Variants in PTPRG observed in about 807,000 individuals in gnomAD.
PTPRG encodes protein tyrosine phosphatase receptor type G.
In PTPRG, 102 loss-of-function variants were observed where a neutral mutation model predicts 165.3. The ratio of observed to expected loss-of-function variants is 0.62; its 90% CI spans 0.53 to 0.73. The LOEUF (loss-of-function observed/expected upper bound fraction) is 0.73, where lower values mean the gene tolerates loss of function less well. Among genes scored for constraint, PTPRG ranks in the 30% least tolerant of loss-of-function variants. The pLI, the probability that PTPRG is intolerant of heterozygous loss-of-function variation, is 0.00. For missense variants in PTPRG, 1,866 were observed against 1,861.4 expected (o/e 1.00, Z -0.05); for synonymous variants, 675 against 669.5 (o/e 1.01, Z -0.13).
At chr3:62,251,502 G>T (rs888935131) in intron 15 of PTPRG, among the ~76,000 whole-genome samples, 1 of 152,132 alleles carries the variant, frequency 6.6e-6, no homozygotes, top group Non-Finnish European at 1.5e-5. Context: ...GCCAGGCATG[G>T]TGGCACGGAA....
chr3:62,240,364 T>C lies in PTPRG; in HGVS notation c.2376-3443T>C, dbSNP rs1312132476. ...TAAAATAAAATACATACTCCCCCAA[T>C]ACCCAGAAAAAAAAATGGAAAACAG... On this transcript the variant is annotated intron_variant, in intron 14 of 29. Transcript: ENST00000474889. The surrounding 1 kb of genome is among the most constrained non-coding windows in gnomAD (Gnocchi z 5.1). Among the ~76,000 whole-genome samples, 1 of 151,702 alleles carries C rather than the reference T, an allele frequency of 6.6e-6. No homozygotes were observed. The highest frequency in any genetic ancestry group is 6.6e-5 in the Admixed American group (1 of 15,246).
chr3:61,938,046 A>G (rs1279530366), intron 2 of PTPRG, among the ~76,000 whole-genome samples: 1 of 151,946 alleles, frequency 6.6e-6, no homozygotes, highest in East Asian at 1.9e-4. Flanking sequence ...GTCTGGGCTT[A>G]AGGTTTCCCA....
At chr3:61,574,117 G>C (rs1346352069) in intron 1 of PTPRG, among the ~76,000 whole-genome samples, 1 of 152,038 alleles carries the variant, frequency 6.6e-6, no homozygotes, top group Non-Finnish European at 1.5e-5. Flanking sequence ...TTGGCTCTTA[G>C]GTGATTCAGG....
At chr3:62,146,135 A>C (rs4456853) in intron 6 of PTPRG, among the ~76,000 whole-genome samples, 11,674 of 152,298 alleles carry the variant, frequency 0.077, 623 homozygotes, top group Non-Finnish European at 0.11. Context: ...GACTCTATAT[A>C]ATTTAAATGT....
At chr3:61,610,761 C>CCCTA (rs1231014238) in intron 1 of PTPRG, among the ~76,000 whole-genome samples, 2 of 118,162 alleles carry the variant, frequency 1.7e-5, no homozygotes, top group East Asian at 2.9e-4. Context: ...CTCCCTCCCT[C>CCCTA]CCTCCCTCCC....
chr3:62,183,044 A>G (rs1488839980), intron 8 of PTPRG, among the ~76,000 whole-genome samples: 1 of 152,232 alleles, frequency 6.6e-6, no homozygotes, highest in African/African-American at 2.4e-5. Context: ...CTTTTACCCA[A>G]GCTTTATCCA....
chr3:61,847,575 A>G (rs1178155128), intron 2 of PTPRG, among the ~76,000 whole-genome samples: 1 of 152,226 alleles, frequency 6.6e-6, no homozygotes, highest in African/African-American at 2.4e-5. Flanking sequence ...GACAGCGAGG[A>G]CACTGAACAT....
chr3:62,158,125 G>A (rs1387973587), intron 7 of PTPRG, among the ~76,000 whole-genome samples: 1 of 152,128 alleles, frequency 6.6e-6, no homozygotes, highest in Non-Finnish European at 1.5e-5. Context: ...GTTAACTGTG[G>A]GTAGGAACTG....
intron 1 of PTPRG, among the ~76,000 whole-genome samples, chr3:61,582,087 C>T (rs1700309249): frequency 6.6e-6 from 1 of 152,086 alleles, no homozygotes. Context: ...CCCATCTCAG[C>T]CTCCCGCATA....
At chr3:61,622,147 A>C (rs1701476937) in intron 1 of PTPRG, among the ~76,000 whole-genome samples, 1 of 152,182 alleles carries the variant, frequency 6.6e-6, no homozygotes, top group African/African-American at 2.4e-5. Context: ...GAGGAAACCA[A>C]GTCTTCACTT....
intron 2 of PTPRG, among the ~76,000 whole-genome samples, chr3:61,829,100 G>A (rs1273160131): frequency 1.3e-5 from 2 of 152,158 alleles, no homozygotes; most frequent in African/African-American, 2.4e-5. Flanking sequence ...GAGTGAGAGA[G>A]AAGGAACTTA....
At chr3:62,148,509 T>A (rs554387899) in intron 6 of PTPRG, among the ~76,000 whole-genome samples, 4 of 152,268 alleles carry the variant, frequency 2.6e-5, no homozygotes, top group African/African-American at 9.6e-5. Context: ...ACTATAATCC[T>A]AGCACTTTGG....
At chr3:62,097,810 A>G (rs1482786192) in intron 5 of PTPRG, among the ~76,000 whole-genome samples, 2 of 152,232 alleles carry the variant, frequency 1.3e-5, no homozygotes, top group East Asian at 3.8e-4. Flanking sequence ...TGGGGCAACA[A>G]GCATGGCCAA....
intron 2 of PTPRG, among the ~76,000 whole-genome samples, chr3:61,829,231 G>C (rs1424068867): frequency 6.6e-6 from 1 of 152,234 alleles, no homozygotes; most frequent in Non-Finnish European, 1.5e-5. Context: ...ATAATATTGA[G>C]AGAGCCTCGC....
chr3:61,950,004 C>A (rs2039861981), intron 2 of PTPRG, among the ~76,000 whole-genome samples: 1 of 152,206 alleles, frequency 6.6e-6, no homozygotes, highest in Admixed American at 6.5e-5. Context: ...CCTCGCCCTC[C>A]CAATGTGCTG....
intron 15 of PTPRG, among the ~76,000 whole-genome samples, chr3:62,247,805 G>C (rs139658417): frequency 6.6e-6 from 1 of 152,284 alleles, no homozygotes; most frequent in East Asian, 1.9e-4. Context: ...CGTGGAATCA[G>C]TAAGTTATAC....
chr3:61,890,423 G>GTTTTTTTTTTTTTTTTT (rs11328993), intron 2 of PTPRG, among the ~76,000 whole-genome samples: 14 of 119,218 alleles, frequency 1.2e-4, no homozygotes, highest in African/African-American at 3.6e-4. Context: ...TTTTTTTTTT[G>GTTTTTTTTTTTTTTTTT]TTTTTTTTTT....
intron 1 of PTPRG, among the ~76,000 whole-genome samples, chr3:61,671,794 TG>T (rs1449930811): frequency 3.8e-4 from 24 of 63,778 alleles, no homozygotes; most frequent in East Asian, 1.8e-3. Context: ...CCCTCCCGGA[TG>T]GGGCGGCTGG....
At chr3:62,074,150 G>C (rs1701297126) in intron 4 of PTPRG, among the ~76,000 whole-genome samples, 2 of 150,228 alleles carry the variant, frequency 1.3e-5, no homozygotes, top group South Asian at 2.1e-4. Flanking sequence ...TCTCCCATTT[G>C]CTCCCAGATG....
Sources: gnomAD v4.1 joint callset for allele counts (sites outside exome capture counted in the v4.1 genomes callset) on GRCh38, gnomAD v4.1.1 for gene constraint, Gnocchi (gnomAD v3.1) non-coding constraint, MANE v1.5 for transcripts, NCBI Gene and HGNC (gene_info 2026-07-23, HGNC 2026-07-21) for gene names.